Variants in BLTP1 observed in about 807,000 individuals in gnomAD.
The protein encoded by BLTP1 is bridge-like lipid transfer protein family member 1, also known as fragile site-associated protein.
At chr4:122,294,497 G>A in the BLTP1 span, among the ~76,000 whole-genome samples, 7 of 152,152 alleles carry the variant, frequency 4.6e-5, no homozygotes, top group Non-Finnish European at 7.3e-5. Flanking sequence ...GTCTGGAGGG[G>A]ACCCCCAGCA....
At chr4:122,166,891 A>T in the BLTP1 span, among the ~76,000 whole-genome samples, 1 of 152,148 alleles carries the variant, frequency 6.6e-6, no homozygotes, top group Non-Finnish European at 1.5e-5. Flanking sequence ...TTTTATGTTT[A>T]GTCTGTCCCA....
At chr4:122,254,375 C>A in the BLTP1 span, 2 of 1,493,688 alleles carry the variant, frequency 1.3e-6, no homozygotes, top group East Asian at 4.5e-5. Flanking sequence ...ATAGTAGTAT[C>A]GCTTGATGTT....
chr4:122,186,288 A>C, the BLTP1 span: 5 of 1,346,740 alleles, frequency 3.7e-6, no homozygotes, highest in Non-Finnish European at 5.1e-6. Context: ...TTAGAATATC[A>C]TTGAGGCTAT....
At chr4:122,200,711 AG>A in the BLTP1 span, 1 of 983,000 alleles carries the variant, frequency 1.0e-6, no homozygotes, top group South Asian at 4.7e-5. Flanking sequence ...AGGAGAAATT[AG>A]GGATGTCGGT....
At chr4:122,243,434 T>C in the BLTP1 span, 1 of 985,318 alleles carries the variant, frequency 1.0e-6, no homozygotes, top group African/African-American at 1.7e-5. Flanking sequence ...TTGGAAGGTC[T>C]TTGGGACATA....
the BLTP1 span, chr4:122,261,531 T>C: frequency 1.0e-6 from 1 of 983,044 alleles, no homozygotes; most frequent in Non-Finnish European, 1.2e-6. Context: ...AAAAATTCTG[T>C]AATTTTTAAT....
the BLTP1 span, chr4:122,299,644 T>A: frequency 4.8e-6 from 1 of 208,022 alleles, no homozygotes; most frequent in Non-Finnish European, 8.4e-6. Flanking sequence ...CAGTGGAAGC[T>A]TTCCTGGTAG....
chr4:122,170,584 G>A, the BLTP1 span: 2 of 1,464,646 alleles, frequency 1.4e-6, no homozygotes, highest in Non-Finnish European at 1.8e-6. Flanking sequence ...ATAAATCTCT[G>A]ATTCTAAATT....
the BLTP1 span, chr4:122,182,586 C>G: frequency 1.1e-6 from 1 of 935,442 alleles, no homozygotes; most frequent in Non-Finnish European, 1.3e-6. Flanking sequence ...ATGCATGCTC[C>G]TTGAGGAATA....
chr4:122,283,060 G>C, the BLTP1 span, among the ~76,000 whole-genome samples: 1 of 151,804 alleles, frequency 6.6e-6, no homozygotes, highest in East Asian at 1.9e-4. Flanking sequence ...TCATGTAATT[G>C]AATTTACCAT....
At chr4:122,339,153 A>T in the BLTP1 span, 1 of 1,552,070 alleles carries the variant, frequency 6.4e-7, no homozygotes, top group South Asian at 1.2e-5. Flanking sequence ...ATTTCTATTT[A>T]AAACTTTTCT....
At chr4:122,304,895 C>A in the BLTP1 span, 1 of 1,613,958 alleles carries the variant, frequency 6.2e-7, no homozygotes, top group South Asian at 1.1e-5. Flanking sequence ...CAAACCAAAG[C>A]TTCACCAGGA....
chr4:122,349,147 TCA>T, the BLTP1 span: 1 of 1,600,410 alleles, frequency 6.2e-7, no homozygotes, highest in Non-Finnish European at 8.5e-7. This position sits in a 1 kb window ranked among gnomAD's most constrained non-coding sequence, Gnocchi z 4.5. Context: ...AACCTTTTTT[TCA>T]TTTTTTAGTT....
At chr4:122,316,744 T>G in the BLTP1 span, 1 of 1,610,000 alleles carries the variant, frequency 6.2e-7, no homozygotes, top group Admixed American at 1.7e-5. Flanking sequence ...AGCCACAGAT[T>G]ATCGAAGACA....
At chr4:122,343,915 TC>T in the BLTP1 span, 1 of 896,648 alleles carries the variant, frequency 1.1e-6, no homozygotes, top group Non-Finnish European at 1.3e-6. Context: ...CAAATCACTG[TC>T]CATTTATACA....
the BLTP1 span, chr4:122,215,565 C>T: frequency 2.3e-5 from 23 of 985,364 alleles, no homozygotes; most frequent in Non-Finnish European, 2.7e-5. Context: ...CCACTTTACA[C>T]TTGACCCTGG....
the BLTP1 span, among the ~76,000 whole-genome samples, chr4:122,158,439 T>C: frequency 6.6e-6 from 1 of 152,198 alleles, no homozygotes; most frequent in African/African-American, 2.4e-5. Context: ...GTTAGCTCTC[T>C]CTGTCCTCTT....
At chr4:122,245,187 A>G in the BLTP1 span, 1 of 1,502,314 alleles carries the variant, frequency 6.7e-7, no homozygotes, top group Admixed American at 1.8e-5. Flanking sequence ...AATATTTATC[A>G]TGGTTACAGA....
the BLTP1 span, among the ~76,000 whole-genome samples, chr4:122,280,876 A>G: frequency 6.6e-6 from 1 of 152,166 alleles, no homozygotes; most frequent in African/African-American, 2.4e-5. Flanking sequence ...TTTCCTCTGA[A>G]TAGAAATATG....
Sources: gnomAD v4.1 joint callset for allele counts (sites outside exome capture counted in the v4.1 genomes callset) on GRCh38, gnomAD v4.1.1 for gene constraint, Gnocchi (gnomAD v3.1) non-coding constraint, MANE v1.5 for transcripts, NCBI Gene and HGNC (gene_info 2026-07-23, HGNC 2026-07-21) for gene names.